Variants in MCTP2 observed in about 807,000 individuals in gnomAD.
MCTP2 encodes multiple C2 and transmembrane domain containing 2.
A neutral mutation model predicts 111.6 loss-of-function variants in MCTP2; 132 were observed. The ratio of observed to expected loss-of-function variants is 1.18; its 90% CI spans 1.03 to 1.37. The LOEUF is 1.37. MCTP2 is among the 40% of genes most tolerant of loss of function. The pLI is 0.00. For missense variants in MCTP2, 1,183 were observed against 1,067.9 expected, an observed-to-expected ratio of 1.11 and a Z score of -1.50; for synonymous variants, 395 against 387.7, an observed-to-expected ratio of 1.02 and a Z score of -0.22.
At chr15:94,239,882 G>A (rs2070813834) in intron 1 of MCTP2, among the ~76,000 whole-genome samples, 1 of 152,156 alleles carries the variant, frequency 6.6e-6, no homozygotes, top group South Asian at 2.1e-4. Flanking sequence ...GATCAGATAG[G>A]TGTGGCCCTG....
At position 94,298,211 on chromosome 15, in the gene MCTP2, A is replaced by T. The variant is rs1413780023; in HGVS notation, c.-55A>T. Reference sequence around the variant, plus strand: ...TTTTCTGTTTTATAGGAGTCATTGCAGTTTTCAGTAGAGGTGTACTTCTGA... The same window carrying T: ...TTTTCTGTTTTATAGGAGTCATTGCTGTTTTCAGTAGAGGTGTACTTCTGA... On this transcript the variant is annotated 5_prime_UTR_variant, in exon 2 of 23. Transcript: ENST00000357742. 3.8e-6 allele frequency: 5 copies of T among 1,303,040 alleles called. No homozygotes were observed. In the South Asian group the frequency reaches 4.7e-5, roughly 12 times the overall value. The allele number at this position is 1,303,040 out of a possible 1,614,324, so 80.7% of individuals were successfully genotyped here.
intron 1 of MCTP2, among the ~76,000 whole-genome samples, chr15:94,285,844 A>G (rs571124072): frequency 1.1e-4 from 16 of 152,336 alleles, no homozygotes; most frequent in African/African-American, 3.8e-4. Flanking sequence ...CAGAGAAGAT[A>G]GGATCTTACT....
At chr15:94,477,155 C>T (rs575457084) in intron 22 of MCTP2, among the ~76,000 whole-genome samples, 6 of 152,204 alleles carry the variant, frequency 3.9e-5, no homozygotes, top group South Asian at 2.1e-4. Flanking sequence ...TTTCTTCTTC[C>T]GGGTGGCAAG....
chr15:94,400,379 T>C (rs2081510315), intron 16 of MCTP2, among the ~76,000 whole-genome samples: 1 of 152,172 alleles, frequency 6.6e-6, no homozygotes, highest in Non-Finnish European at 1.5e-5. Context: ...AGGTGCAGTG[T>C]GTGGAGTCAA....
Position 94,461,003 on chromosome 15 carries a change from G to A in MCTP2, c.2360+2757G>A, listed in dbSNP as rs556682654. Among the ~76,000 whole-genome samples, 3 of 149,696 alleles carry A rather than the reference G, an allele frequency of 2.0e-5. No homozygotes were observed. The Admixed American group carries it at 2.0e-4, about 10-fold the overall frequency. The stretch of plus-strand genomic sequence containing the variant: ...GAAATACATAAAACTCTCAAAGTAA[G>A]GCTTCCCTGATACTGATGGGTTGGG... On this transcript the variant is annotated intron_variant, in intron 20 of 22. Coordinates refer to ENST00000357742, the MANE Select transcript of MCTP2 (RefSeq NM_001385001.1).
intron 8 of MCTP2, among the ~76,000 whole-genome samples, chr15:94,353,944 C>T (rs116515262): frequency 0.015 from 2,319 of 151,824 alleles, 68 homozygotes; most frequent in African/African-American, 0.052. Flanking sequence ...ATGACCAATA[C>T]AAAAATCACT....
At chr15:94,327,777 G>C (rs2076947041) in intron 4 of MCTP2, among the ~76,000 whole-genome samples, 1 of 152,158 alleles carries the variant, frequency 6.6e-6, no homozygotes, top group Admixed American at 6.5e-5. Flanking sequence ...ATCATCACCG[G>C]ACATGTTTGT....
At chr15:94,240,853 G>A (rs547409108) in intron 1 of MCTP2, among the ~76,000 whole-genome samples, 1 of 152,200 alleles carries the variant, frequency 6.6e-6, no homozygotes, top group South Asian at 2.1e-4. Context: ...ACTTCATTGT[G>A]TTTTTATGTT....
chr15:94,377,567 C>T lies in MCTP2; in HGVS notation c.1583-6455C>T, dbSNP rs561107877. On this transcript the variant is annotated intron_variant, in intron 12 of 22. Coordinates refer to ENST00000357742, the MANE Select transcript of MCTP2 (RefSeq NM_001385001.1). ...CCATGAATTAACAGAGGAATCGCTT[C>T]CATATTAATGGGTGGGTTCTTAGTA... Among the ~76,000 whole-genome samples, 40 of 152,242 alleles carry T rather than the reference C, an allele frequency of 2.6e-4. No individual in the cohort carries two copies. In the South Asian group the frequency reaches 8.1e-3, roughly 31 times the overall value.
At chr15:94,308,733 C>T (rs2075997930) in intron 2 of MCTP2, among the ~76,000 whole-genome samples, 1 of 152,030 alleles carries the variant, frequency 6.6e-6, no homozygotes, top group African/African-American at 2.4e-5. Flanking sequence ...TAGAAAGGGC[C>T]AGAGCTTTGT....
At position 94,479,210 on chromosome 15, in the gene MCTP2, C is replaced by T. The variant is rs2074605644; in HGVS notation, c.*176C>T. ...ACATACACACATGTGCACACACCCT[C>T]ATGCATGGGTGTCCTAGTTGCGTAG... On this transcript the variant is annotated 3_prime_UTR_variant, in exon 23 of 23. Transcript: ENST00000357742. The T allele has an allele frequency of 4.7e-6, 3 of 640,646 alleles. No homozygotes were observed. The highest frequency in any genetic ancestry group is 1.8e-5 in the South Asian group (1 of 54,558). 39.7% of individuals were successfully genotyped at this position (640,646 alleles called of 1,614,324 possible).
chr15:94,254,056 A>G (rs936771226), intron 1 of MCTP2, among the ~76,000 whole-genome samples: 2 of 152,206 alleles, frequency 1.3e-5, no homozygotes, highest in African/African-American at 4.8e-5. Flanking sequence ...AAAGCTGTGA[A>G]TACCTCGATA....
chr15:94,466,221 C>A (rs971495288), intron 20 of MCTP2, among the ~76,000 whole-genome samples: 2 of 152,008 alleles, frequency 1.3e-5, no homozygotes, highest in African/African-American at 2.4e-5. Flanking sequence ...TATCTGAAAT[C>A]TTTTCTTTCA....
chr15:94,406,336 G>A (rs936203882), intron 17 of MCTP2, among the ~76,000 whole-genome samples: 1 of 152,120 alleles, frequency 6.6e-6, no homozygotes, highest in African/African-American at 2.4e-5. Flanking sequence ...TGAAACCCAG[G>A]CCATCTTGCT....
At position 94,345,157 on chromosome 15, in the gene MCTP2, C is replaced by A. The variant is rs769348862; in HGVS notation, c.998C>A (p.Ala333Asp). The A allele has an allele frequency of 8.7e-6, 14 of 1,612,268 alleles. No individual in the cohort carries two copies. Among genetic ancestry groups the A allele is most frequent in the East Asian group, 2.2e-5 (1 of 44,772 alleles). Residue 333 changes from alanine to aspartate, a missense_variant, in exon 8 of 23, where the codon GCC (alanine) becomes GAC (aspartate). Transcript: ENST00000357742. Reference sequence around the variant, plus strand: ...TGGTCAAATCGGAAGCGATTAAGTGCCAGCAAGGTAAATATACTTTTTTTT... The same window carrying A: ...TGGTCAAATCGGAAGCGATTAAGTGACAGCAAGGTAAATATACTTTTTTTT... ...HRWSNRKRLS[A>D]SKSSLIRNLR...
chr15:94,245,102 A>C (rs923373092), intron 1 of MCTP2, among the ~76,000 whole-genome samples: 2 of 146,482 alleles, frequency 1.4e-5, no homozygotes, highest in Admixed American at 1.3e-4. Context: ...ATATGTACCT[A>C]TGTTTATATA....
chr15:94,423,248 C>T (rs778621623), intron 17 of MCTP2, among the ~76,000 whole-genome samples: 8 of 152,140 alleles, frequency 5.3e-5, no homozygotes, highest in Non-Finnish European at 1.2e-4. Context: ...TCAAGTTCAT[C>T]GTTGCATTTA....
intron 18 of MCTP2, 144 bp from the exon 19 acceptor site, chr15:94,442,775 A>G: frequency 1.5e-6 from 1 of 660,020 alleles, no homozygotes; most frequent in Non-Finnish European, 2.7e-6. Context: ...GAACTTTAAA[A>G]GAGTTATTGT....
chr15:94,232,235 C>T (rs1212991680), intron 1 of MCTP2, among the ~76,000 whole-genome samples: 2 of 152,114 alleles, frequency 1.3e-5, no homozygotes, highest in Non-Finnish European at 2.9e-5. Flanking sequence ...GCAATTAGTT[C>T]CCTCCTGCAC....
Sources: allele counts gnomAD v4.1 joint callset (sites outside exome capture counted in the v4.1 genomes callset), GRCh38; gene constraint gnomAD v4.1.1; transcripts MANE v1.5; gene names NCBI Gene and HGNC (gene_info 2026-07-23, HGNC 2026-07-21).